Variants in PRKN observed in about 807,000 individuals in gnomAD.
The protein encoded by PRKN is E3 ubiquitin-protein ligase parkin.
A neutral mutation model predicts 59.5 loss-of-function variants in PRKN; 56 were observed. The observed-to-expected ratio is 0.94, with a 90% CI of 0.76 to 1.18. The LOEUF (loss-of-function observed/expected upper bound fraction) is 1.18. PRKN is among the 50% of genes most tolerant of loss of function. The pLI is 0.00. For missense variants in PRKN, 657 were observed against 596.4 expected (o/e 1.10, Z -1.06); for synonymous variants, 250 against 222.1 (o/e 1.13, Z -1.12).
chr6:162,427,891 T>C (rs1263879463), intron 2 of PRKN, among the ~76,000 whole-genome samples: 3 of 151,978 alleles, frequency 2.0e-5, no homozygotes, highest in African/African-American at 7.3e-5. Flanking sequence ...TAATGACAAA[T>C]CCCAAGTTCA....
At chr6:161,415,775 C>T (rs1303027083) in intron 9 of PRKN, among the ~76,000 whole-genome samples, 1 of 151,860 alleles carries the variant, frequency 6.6e-6, no homozygotes, top group African/African-American at 2.4e-5. Context: ...TCTCACTCCC[C>T]GCCACTGCCC....
At chr6:161,367,590 T>C (rs1053285874) in intron 10 of PRKN, among the ~76,000 whole-genome samples, 1 of 152,048 alleles carries the variant, frequency 6.6e-6, no homozygotes, top group African/African-American at 2.4e-5. Flanking sequence ...CCTTTCCCAA[T>C]GAACGACATG....
At chr6:161,917,819 T>C (rs1421170642) in intron 6 of PRKN, among the ~76,000 whole-genome samples, 2 of 152,228 alleles carry the variant, frequency 1.3e-5, no homozygotes, top group African/African-American at 4.8e-5. Context: ...AGGTGATTCA[T>C]TTCCACGTTT....
chr6:161,680,775 A>ATTTTTTTT lies in PRKN; in HGVS notation c.871+104989_871+104996dup, dbSNP rs869253616. Among the ~76,000 whole-genome samples, 82 of 30,584 alleles carry ATTTTTTTT rather than the reference A, an allele frequency of 2.7e-3. 2 individuals carry two copies. The highest frequency in any genetic ancestry group is 2.9e-3 in the Non-Finnish European group (48 of 16,372). The allele number at this position is 30,584 out of a possible 152,430, so 20.1% of individuals were successfully genotyped here. A position where few individuals can be genotyped will look rare whatever the true frequency, so the allele number is the denominator to read the frequency against. On this transcript the variant is annotated intron_variant, in intron 7 of 11. Transcript: ENST00000366898. ...TATATATATATATATATATATATAT[A>ATTTTTTTT]TTTTTTTTTTTTTTTCTTTTCCTAA...
rs540532858 is a variant in PRKN at position 161,353,443 on chromosome 6, G to A, written c.1286-3232C>T. Among the ~76,000 whole-genome samples, 5 of 152,242 alleles carry A rather than the reference G, an allele frequency of 3.3e-5. No individual in the cohort carries two copies. Among genetic ancestry groups the A allele is most frequent in the African/African-American group, 1.2e-4 (5 of 41,560 alleles). On this transcript the variant is annotated intron_variant, in intron 11 of 11. Transcript: ENST00000366898. This position sits in a 1 kb window ranked among gnomAD's most constrained non-coding sequence, Gnocchi z 4.8. ...TGTCCCACCGCATTTCAACACGGCT[G>A]TCCATGCTTCCATCGTGCCTATCCC...
chr6:161,739,334 G>A (rs918694412), intron 7 of PRKN, among the ~76,000 whole-genome samples: 1 of 152,066 alleles, frequency 6.6e-6, no homozygotes, highest in Non-Finnish European at 1.5e-5. Context: ...CTGGAACCTG[G>A]GAGATGGAGG....
intron 6 of PRKN, among the ~76,000 whole-genome samples, chr6:161,827,239 C>T (rs895554088): frequency 3.3e-5 from 5 of 152,140 alleles, no homozygotes; most frequent in African/African-American, 1.2e-4. Context: ...CATCTGAAGA[C>T]CCTGAAGATG....
rs6918906 is a variant in PRKN, at chr6:161,502,715, G to A, written c.1083+46139C>T. ...ATAATAGTTAGAACACAGTGTTATC[G>A]GCTAGGACTAATGATGGTGGAGCAG... is the stretch of plus-strand genomic sequence containing the variant. On this transcript the variant is annotated intron_variant, in intron 9 of 11. Coordinates refer to ENST00000366898, the MANE Select transcript of PRKN (RefSeq NM_004562.3). The surrounding 1 kb of genome is among the most constrained non-coding windows in gnomAD (Gnocchi z 4.0). Among the ~76,000 whole-genome samples the A allele has an allele frequency of 0.02, 3,037 of 152,138 alleles. 110 individuals carry two copies. Among genetic ancestry groups the A allele is most frequent in the African/African-American group, 0.069 (2,870 of 41,492 alleles).
intron 7 of PRKN, among the ~76,000 whole-genome samples, chr6:161,661,037 C>A (rs929225612): frequency 6.6e-6 from 1 of 152,150 alleles, no homozygotes; most frequent in Non-Finnish European, 1.5e-5. Context: ...TGGCTTCTCA[C>A]TGACCTCAGC....
intron 8 of PRKN, among the ~76,000 whole-genome samples, chr6:161,559,897 C>G (rs1780389852): frequency 6.6e-6 from 1 of 152,198 alleles, no homozygotes. Context: ...GGACAAGCCT[C>G]TAACACTGAG....
chr6:161,516,532 A>AAAG (rs1778606590), intron 9 of PRKN, among the ~76,000 whole-genome samples: 1 of 145,052 alleles, frequency 6.9e-6, no homozygotes, highest in Admixed American at 6.9e-5. Flanking sequence ...AGAAGAAGAA[A>AAAG]AAGAAGAAAA....
chr6:162,562,588 G>A (rs1779887533), intron 1 of PRKN, among the ~76,000 whole-genome samples: 1 of 152,190 alleles, frequency 6.6e-6, no homozygotes, highest in Non-Finnish European at 1.5e-5. Context: ...GGGTAGTGGT[G>A]ATTACAGGGT....
At chr6:161,901,890 G>T (rs1163900091) in intron 6 of PRKN, among the ~76,000 whole-genome samples, 2 of 152,170 alleles carry the variant, frequency 1.3e-5, no homozygotes, top group Non-Finnish European at 2.9e-5. Flanking sequence ...GAGTGCTTCA[G>T]CTTGGGCTGC....
At position 161,514,773 on chromosome 6, in the gene PRKN, A is replaced by G. The variant is rs191361908; in HGVS notation, c.1083+34081T>C. Among the ~76,000 whole-genome samples the G allele has an allele frequency of 2.0e-5, 3 of 152,248 alleles. No individual in the cohort carries two copies. The East Asian group carries it at 5.8e-4, about 29-fold the overall frequency. ...GTTGCTGTGGGAACCAGGAGACCAG[A>G]AGGGCTCTGGTTCCAGGAGGACTGC... On this transcript the variant is annotated intron_variant, in intron 9 of 11. Transcript: ENST00000366898.
intron 2 of PRKN, among the ~76,000 whole-genome samples, chr6:162,370,197 G>A (rs539934712): frequency 1.8e-4 from 28 of 152,156 alleles, no homozygotes; most frequent in Admixed American, 3.9e-4. Context: ...GTTTTCTCAT[G>A]CCTGCTTTCT....
At chr6:161,625,019 AAC>A (rs1418831988) in intron 7 of PRKN, among the ~76,000 whole-genome samples, 1 of 152,216 alleles carries the variant, frequency 6.6e-6, no homozygotes, top group Admixed American at 6.5e-5. Flanking sequence ...TATGCCATTC[AAC>A]ACTTCTTATT....
chr6:162,063,176 C>T (rs1435302805), intron 4 of PRKN, among the ~76,000 whole-genome samples: 3 of 151,998 alleles, frequency 2.0e-5, no homozygotes, highest in Non-Finnish European at 2.9e-5. Context: ...ACTATGCAAG[C>T]CACAGACTTG....
At chr6:162,287,050 A>T (rs2128107957) in intron 2 of PRKN, among the ~76,000 whole-genome samples, 1 of 152,332 alleles carries the variant, frequency 6.6e-6, no homozygotes, top group South Asian at 2.1e-4. Flanking sequence ...AGCACTTAAG[A>T]TGAACCCTCC....
intron 6 of PRKN, among the ~76,000 whole-genome samples, chr6:161,828,672 A>T (rs1391649265): frequency 6.6e-6 from 1 of 151,976 alleles, no homozygotes; most frequent in African/African-American, 2.4e-5. Context: ...GTCTCTCAGC[A>T]CTCTGGGAGG....
Sources: gnomAD v4.1 joint callset for allele counts (sites outside exome capture counted in the v4.1 genomes callset) on GRCh38, gnomAD v4.1.1 for gene constraint, Gnocchi (gnomAD v3.1) non-coding constraint, MANE v1.5 for transcripts, NCBI Gene and HGNC (gene_info 2026-07-23, HGNC 2026-07-21) for gene names.